PAPOLG: variants seen among roughly 807,000 people sequenced by gnomAD.
PAPOLG encodes the protein poly(A) polymerase gamma.
Under a neutral mutation model 99.0 loss-of-function variants are expected in PAPOLG, and 40 were observed. The ratio of observed to expected loss-of-function variants is 0.40; its 90% confidence interval spans 0.31 to 0.53. The LOEUF is 0.53. Ranked by LOEUF, PAPOLG falls within the 20% of genes least tolerant of loss-of-function variation. PAPOLG has a pLI of 0.41. For missense variants in PAPOLG, 675 were observed against 884.1 expected (o/e 0.76, Z 3.00); for synonymous variants, 310 against 299.3 (o/e 1.04, Z -0.37).
intron 5 of PAPOLG, 82 bp from the exon 6 acceptor site, chr2:60,770,376 A>G: frequency 8.4e-7 from 1 of 1,190,680 alleles, no homozygotes; most frequent in Non-Finnish European, 1.2e-6. Flanking sequence ...AATCGGGAGT[A>G]AAGATATTCA....
chr2:60,791,903 C>A, intron 16 of PAPOLG, 21 bp downstream of exon 16: 1 of 1,607,038 alleles, frequency 6.2e-7, no homozygotes, highest in Middle Eastern at 1.7e-4. Context: ...AATCTTAACC[C>A]TTCAGTATGG....
chr2:60,763,229 A>T (rs892013913), intron 3 of PAPOLG, among the ~76,000 whole-genome samples: 9 of 151,960 alleles, frequency 5.9e-5, no homozygotes, highest in Admixed American at 5.9e-4. Context: ...GGAATGCACA[A>T]TTGTGCTTGG....
At chr2:60,757,510 T>C (rs1359820759) in intron 1 of PAPOLG, among the ~76,000 whole-genome samples, 1 of 152,236 alleles carries the variant, frequency 6.6e-6, no homozygotes, top group African/African-American at 2.4e-5. Flanking sequence ...GTTCTAGTTG[T>C]TTTTAAACTT....
chr2:60,778,181 G>A (rs1671077977), intron 8 of PAPOLG, among the ~76,000 whole-genome samples: 1 of 151,998 alleles, frequency 6.6e-6, no homozygotes, highest in African/African-American at 2.4e-5. Flanking sequence ...GGGGCTTGCT[G>A]TATCTCCCAG....
rs919458369 is a variant in PAPOLG at position 60,801,386 on chromosome 2, A to G, written c.*4226A>G. 3 of 152,186 alleles carry G rather than the reference A, an allele frequency of 2.0e-5. No homozygotes were observed. The highest frequency in any genetic ancestry group is 7.2e-5 in the African/African-American group (3 of 41,428). The allele number at this position is 152,186 out of a possible 1,614,324, so 9.4% of individuals were successfully genotyped here. On this transcript the variant is annotated 3_prime_UTR_variant, in exon 22 of 22. Coordinates refer to ENST00000238714, the MANE Select transcript of PAPOLG (RefSeq NM_022894.4). The stretch of plus-strand genomic sequence containing the variant: ...AGATGATGGAAGAAAACCAGTCTCA[A>G]TAATGGTTTTTTTTTTCCAATTGCA...
chr2:60,762,771 C>T (rs914656207), intron 3 of PAPOLG, among the ~76,000 whole-genome samples: 2 of 151,772 alleles, frequency 1.3e-5, no homozygotes, highest in African/African-American at 2.4e-5. Flanking sequence ...GGACTACAGA[C>T]GTGTACCACC....
Position 60,797,531 on chromosome 2 carries a change from TC to T in PAPOLG, c.*372del, listed in dbSNP as rs67761008. ...TTTTTTGTTTTGTTTTTTGTGTTTTTCTTTTTTTGTCTTATGTTGTAATCAT... is the reference window on the plus strand; with the variant it reads ...TTTTTTGTTTTGTTTTTTGTGTTTTTTTTTTTTGTCTTATGTTGTAATCAT... On this transcript the variant is annotated 3_prime_UTR_variant, in exon 22 of 22. Coordinates refer to ENST00000238714, the MANE Select transcript of PAPOLG (RefSeq NM_022894.4). 351 of 173,132 alleles carry T rather than the reference TC, an allele frequency of 2.0e-3. 10 individuals are homozygous for T. In the South Asian group the frequency reaches 0.049, roughly 24 times the overall value. The allele number at this position is 173,132 out of a possible 1,614,324, so 10.7% of individuals were successfully genotyped here. A position where few individuals can be genotyped will look rare whatever the true frequency, so the allele number is the denominator to read the frequency against.
intron 17 of PAPOLG, 71 bp from the exon 18 acceptor site, chr2:60,793,550 TGAGGCC>T (rs1671606128): frequency 6.6e-7 from 1 of 1,516,868 alleles, no homozygotes; most frequent in Non-Finnish European, 9.0e-7. Flanking sequence ...GGCAGTAGAA[TGAGGCC>T]TTTTCTCAAA....
chr2:60,788,349 T>G (rs1187436503), intron 15 of PAPOLG, among the ~76,000 whole-genome samples: 6 of 151,994 alleles, frequency 3.9e-5, no homozygotes, highest in Admixed American at 3.9e-4. Flanking sequence ...AGAGACAGAG[T>G]CTCACTCTGT....
At chr2:60,782,602 G>A in intron 11 of PAPOLG, 84 bp from the exon 12 acceptor site, 1 of 1,336,676 alleles carries the variant, frequency 7.5e-7, no homozygotes, top group Non-Finnish European at 9.6e-7. Flanking sequence ...TTGAGATTTT[G>A]TAGTAGTAGA....
intron 10 of PAPOLG, among the ~76,000 whole-genome samples, chr2:60,781,328 G>T (rs1671183476): frequency 6.6e-6 from 1 of 151,868 alleles, no homozygotes; most frequent in Non-Finnish European, 1.5e-5. Context: ...CTGCACTCCA[G>T]CCTGGGTGAC....
At chr2:60,758,036 T>C (rs1670400778) in intron 1 of PAPOLG, among the ~76,000 whole-genome samples, 1 of 152,200 alleles carries the variant, frequency 6.6e-6, no homozygotes, top group South Asian at 2.1e-4. Flanking sequence ...TGTCCTCTCT[T>C]TGACTTTCAG....
chr2:60,790,287 G>T (rs1671489870), intron 15 of PAPOLG, among the ~76,000 whole-genome samples: 1 of 152,126 alleles, frequency 6.6e-6, no homozygotes, highest in South Asian at 2.1e-4. Context: ...GAAAGGATAA[G>T]ACTGGGACAT....
At chr2:60,758,335 T>C (rs1164778289) in intron 1 of PAPOLG, among the ~76,000 whole-genome samples, 1 of 149,194 alleles carries the variant, frequency 6.7e-6, no homozygotes, top group South Asian at 2.1e-4. Flanking sequence ...GGGGTTTTTT[T>C]TTTTTTTTTT....
chr2:60,789,406 T>A (rs2103817840), intron 15 of PAPOLG, among the ~76,000 whole-genome samples: 1 of 152,138 alleles, frequency 6.6e-6, no homozygotes, highest in Non-Finnish European at 1.5e-5. Flanking sequence ...GGGTTTTTTG[T>A]TTGTTTTAAA....
chr2:60,790,397 A>C (rs1671495271), intron 15 of PAPOLG, among the ~76,000 whole-genome samples: 1 of 152,202 alleles, frequency 6.6e-6, no homozygotes, highest in Non-Finnish European at 1.5e-5. Flanking sequence ...TTGCTGTGTA[A>C]AACAAGCCTC....
chr2:60,801,154 T>C lies in PAPOLG; in HGVS notation c.*3994T>C, dbSNP rs960834796. ...GAATAAATCATTAAAGATCCCAAAATGTTGAGTTCTGTAGCATGAAAACTC... is the reference window on the plus strand; with the variant it reads ...GAATAAATCATTAAAGATCCCAAAACGTTGAGTTCTGTAGCATGAAAACTC... On this transcript the variant is annotated 3_prime_UTR_variant, in exon 22 of 22. Coordinates refer to ENST00000238714, the MANE Select transcript of PAPOLG (RefSeq NM_022894.4). 5.3e-5 allele frequency: 8 copies of C among 152,236 alleles called. No homozygotes were observed. The highest frequency in any genetic ancestry group is 1.0e-4 in the Non-Finnish European group (7 of 68,012). The allele number at this position is 152,236 out of a possible 1,614,324, so 9.4% of individuals were successfully genotyped here.
chr2:60,770,781 A>G (rs1463367710), intron 6 of PAPOLG, among the ~76,000 whole-genome samples: 1 of 152,036 alleles, frequency 6.6e-6, no homozygotes, highest in South Asian at 2.1e-4. Flanking sequence ...ACACCACCAC[A>G]CCTGGCTAAT....
chr2:60,761,778 G>A lies in PAPOLG; in HGVS notation c.217G>A (p.Glu73Lys). ...VLGKLNNLVK[E>K]WISDVSESKN... ...TGGTAAATTGAACAATTTAGTAAAA[G>A]AATGGATTTCTGATGTCAGCGAGAG... The change falls in exon 3 of 22, where the codon GAA becomes AAA. Residue 73 changes from glutamate (E) to lysine (K), a missense_variant. Physicochemically the swap from Glu to Lys is moderately conservative, Grantham distance 56 (BLOSUM62 1). Transcript: ENST00000238714. 1 of 1,604,316 alleles carries A rather than the reference G, an allele frequency of 6.2e-7. No individual in the cohort carries two copies. The highest frequency in any genetic ancestry group is 1.3e-5 in the African/African-American group (1 of 74,760).
Sources: gnomAD v4.1 joint callset for allele counts (sites outside exome capture counted in the v4.1 genomes callset) on GRCh38, gnomAD v4.1.1 for gene constraint, MANE v1.5 for transcripts, NCBI Gene and HGNC (gene_info 2026-07-23, HGNC 2026-07-21) for gene names.